The following COA5 variants were observed in gnomAD, a reference collection of about 807,000 sequenced individuals.
COA5 encodes the protein cytochrome c oxidase assembly factor 5.
A neutral mutation model predicts 11.8 loss-of-function variants in COA5; 11 were observed. The observed-to-expected ratio is 0.93, with a 90% CI of 0.59 to 1.54. COA5 has a LOEUF of 1.54. Among genes scored for constraint, COA5 ranks in the 40% most tolerant of loss-of-function variants. The probability of loss-of-function intolerance (pLI) is 0.00; values close to 1 mark genes in which losing one functional copy is unlikely to be tolerated. For synonymous variants in COA5, 38 were observed against 37.5 expected, an observed-to-expected ratio of 1.01 and a Z score of -0.05; for missense variants, 87 against 89.2, an observed-to-expected ratio of 0.97 and a Z score of 0.10.
Position 98,604,445 on chromosome 2 carries a change from A to C in COA5, c.100-254T>G. On this transcript the variant is annotated intron_variant, in intron 1 of 2. Transcript: ENST00000328709. ...TGGTTTCTATTGGATACTTTTCCTT[A>C]AACTGTTTATATAAAAATCTAGAAA... is the stretch of plus-strand genomic sequence containing the variant. 1.1e-5 allele frequency: 5 copies of C among 446,362 alleles called. No homozygotes were observed. In the South Asian group the frequency reaches 1.3e-4, roughly 11 times the overall value. The allele number at this position is 446,362 out of a possible 1,614,324, so 27.7% of individuals were successfully genotyped here.
At position 98,608,417 on chromosome 2, in the gene COA5, C is replaced by A. The variant is rs775774648; in HGVS notation, c.-12G>T. ...TAATACTTAGGCATGACGGCGCTTC[C>A]CCTCCGATGCGGACGCGACTTTCTC... On this transcript the variant is annotated 5_prime_UTR_variant, in exon 1 of 3. Coordinates refer to ENST00000328709, the MANE Select transcript of COA5 (RefSeq NM_001008215.3). 6 of 1,578,320 alleles carry A rather than the reference C, an allele frequency of 3.8e-6. No individual in the cohort carries two copies. Among genetic ancestry groups the A allele is most frequent in the Non-Finnish European group, 5.2e-6 (6 of 1,162,394 alleles).
intron 2 of COA5, among the ~76,000 whole-genome samples, chr2:98,602,117 A>G (rs1255562893): frequency 1.3e-5 from 2 of 152,224 alleles, no homozygotes; most frequent in Admixed American, 1.3e-4. Context: ...AAAAAATTTT[A>G]AAACACAGGA....
chr2:98,605,578 T>C (rs1700696595), intron 1 of COA5, among the ~76,000 whole-genome samples: 2 of 152,230 alleles, frequency 1.3e-5, no homozygotes, highest in Admixed American at 6.5e-5. Flanking sequence ...TCTGGGTCTC[T>C]GTAACATGCA....
chr2:98,603,276 C>A (rs749485636), intron 2 of COA5, among the ~76,000 whole-genome samples: 2 of 152,078 alleles, frequency 1.3e-5, no homozygotes, highest in Non-Finnish European at 2.9e-5. Flanking sequence ...GTCAGGAGTT[C>A]AAGACCAGCC....
Position 98,600,449 on chromosome 2 carries a change from A to G in COA5, c.*303T>C. On this transcript the variant is annotated 3_prime_UTR_variant, in exon 3 of 3. Transcript: ENST00000328709. ...ATTGGGTAATTCAATTGAAGAGTCAAGTTTGCAAATAACAGTCTTTCCATT... is the reference window on the plus strand; with the variant it reads ...ATTGGGTAATTCAATTGAAGAGTCAGGTTTGCAAATAACAGTCTTTCCATT... 2 of 421,960 alleles carry G rather than the reference A, an allele frequency of 4.7e-6. No individual in the cohort carries two copies. The highest frequency in any genetic ancestry group is 2.4e-5 in the South Asian group (1 of 41,424). 26.1% of individuals were successfully genotyped at this position (421,960 alleles called of 1,614,324 possible). A position where few individuals can be genotyped will look rare whatever the true frequency, so the allele number is the denominator to read the frequency against.
intron 1 of COA5, among the ~76,000 whole-genome samples, chr2:98,605,366 C>A (rs1292829980): frequency 6.6e-6 from 1 of 152,124 alleles, no homozygotes; most frequent in Non-Finnish European, 1.5e-5. Flanking sequence ...GGTTGCCGGG[C>A]CTGATGATGT....
At chr2:98,602,731 G>C (rs1287952386) in intron 2 of COA5, 2 of 153,540 alleles carry the variant, frequency 1.3e-5, no homozygotes, top group Non-Finnish European at 2.9e-5. Context: ...CTGATATTTA[G>C]AAATGGTAAG....
chr2:98,603,153 A>G (rs1332054089), intron 2 of COA5, among the ~76,000 whole-genome samples: 2 of 152,182 alleles, frequency 1.3e-5, no homozygotes, highest in African/African-American at 4.8e-5. Context: ...ACAAAAAGGA[A>G]GGGATTTGCA....
intron 2 of COA5, among the ~76,000 whole-genome samples, chr2:98,601,981 A>G (rs1575223997): frequency 6.6e-6 from 1 of 152,324 alleles, no homozygotes. Context: ...AAAATGTTGC[A>G]GACCACTATT....
chr2:98,603,479 C>CAA, intron 2 of COA5, among the ~76,000 whole-genome samples: 1 of 151,262 alleles, frequency 6.6e-6, no homozygotes, highest in Non-Finnish European at 1.5e-5. Flanking sequence ...GACTCCGTCT[C>CAA]AAACAAAAAA....
At chr2:98,601,949 A>G (rs1357963810) in intron 2 of COA5, among the ~76,000 whole-genome samples, 1 of 152,186 alleles carries the variant, frequency 6.6e-6, no homozygotes, top group African/African-American at 2.4e-5. Flanking sequence ...GTCTTCTTCC[A>G]TGGAATTGGT....
At position 98,604,344 on chromosome 2, in the gene COA5, T is replaced by TG. The variant is rs1387010211; in HGVS notation, c.100-154dup. On this transcript the variant is annotated intron_variant, in intron 1 of 2. Coordinates refer to ENST00000328709, the MANE Select transcript of COA5 (RefSeq NM_001008215.3). Reference sequence around the variant, plus strand: ...ATAGTTCTTAATTCATTTGGGCTATTGGTGCCTAAAGAATGAAAAAAAAAT... The same window carrying TG: ...ATAGTTCTTAATTCATTTGGGCTATTGGGTGCCTAAAGAATGAAAAAAAAAT... 27 of 657,406 alleles carry TG rather than the reference T, an allele frequency of 4.1e-5. No homozygotes were observed. The Admixed American group carries it at 6.5e-4, about 16-fold the overall frequency. The allele number at this position is 657,406 out of a possible 1,614,324, so 40.7% of individuals were successfully genotyped here. A position where few individuals can be genotyped will look rare whatever the true frequency, so the allele number is the denominator to read the frequency against.
Position 98,600,711 on chromosome 2 carries a change from A to C in COA5, c.*41T>G. On this transcript the variant is annotated 3_prime_UTR_variant, in exon 3 of 3. Coordinates refer to ENST00000328709, the MANE Select transcript of COA5 (RefSeq NM_001008215.3). ...GGCTTCTTTGTGTTAATGACCAGGG[A>C]AAATATTTGTTGTTTTCCATGTTGG... 1 of 1,582,344 alleles carries C rather than the reference A, an allele frequency of 6.3e-7. No homozygotes were observed. Among genetic ancestry groups the C allele is most frequent in the Non-Finnish European group, 8.7e-7 (1 of 1,155,094 alleles).
chr2:98,608,030 T>C (rs984563307), intron 1 of COA5, among the ~76,000 whole-genome samples: 6 of 152,260 alleles, frequency 3.9e-5, no homozygotes, highest in Non-Finnish European at 5.9e-5. Context: ...CAAAGCCTAG[T>C]AGAGTGCTAG....
intron 1 of COA5, among the ~76,000 whole-genome samples, chr2:98,607,047 C>T (rs1410095737): frequency 1.3e-5 from 2 of 152,220 alleles, no homozygotes; most frequent in African/African-American, 2.4e-5. Flanking sequence ...CAAAATCAGA[C>T]GCTCTCCCTT....
rs1343280883 is a variant in COA5, at chr2:98,608,491, CA to C, written c.-87del. 1 of 1,077,304 alleles carries C rather than the reference CA, an allele frequency of 9.3e-7. No individual in the cohort carries two copies. The highest frequency in any genetic ancestry group is 1.4e-6 in the Non-Finnish European group (1 of 726,236). The allele number at this position is 1,077,304 out of a possible 1,614,324, so 66.7% of individuals were successfully genotyped here. On this transcript the variant is annotated 5_prime_UTR_variant, in exon 1 of 3. Transcript: ENST00000328709. ...TCGGGAGCGAGCGAGGCCCCAGTCT[CA>C]GGGGACCGGAAGCCAGCGGCAACAA...
chr2:98,605,538 A>C (rs1028510543), intron 1 of COA5, among the ~76,000 whole-genome samples: 1 of 152,234 alleles, frequency 6.6e-6, no homozygotes, highest in Non-Finnish European at 1.5e-5. Context: ...CAAAAGAGAA[A>C]GTTCTCTATC....
rs1700627856 is a variant in COA5 at position 98,600,576 on chromosome 2, C to A, written c.*176G>T. The stretch of plus-strand genomic sequence containing the variant: ...TAAAAATAACTTGGATCAAGAGAAT[C>A]ATTTACTTTATACATATTCGAAAAC... On this transcript the variant is annotated 3_prime_UTR_variant, in exon 3 of 3. Transcript: ENST00000328709. 1.6e-6 allele frequency: 1 copy of A among 625,736 alleles called. No homozygotes were observed. Among genetic ancestry groups the A allele is most frequent in the Non-Finnish European group, 2.9e-6 (1 of 349,344 alleles). The allele number at this position is 625,736 out of a possible 1,614,324, so 38.8% of individuals were successfully genotyped here.
Position 98,608,206 on chromosome 2 carries a change from G to A in COA5, c.99+101C>T, listed in dbSNP as rs1187841484. 9 of 835,552 alleles carry A rather than the reference G, an allele frequency of 1.1e-5. No individual in the cohort carries two copies. In the Admixed American group the frequency reaches 1.8e-4, roughly 17 times the overall value. The allele number at this position is 835,552 out of a possible 1,614,324, so 51.8% of individuals were successfully genotyped here. A position where few individuals can be genotyped will look rare whatever the true frequency, so the allele number is the denominator to read the frequency against. ...CCGAGCTGTGACCTACGCCCGGGATGGTTAACTCCAACCGCCGCCGCGGGC... is the reference window on the plus strand; with the variant it reads ...CCGAGCTGTGACCTACGCCCGGGATAGTTAACTCCAACCGCCGCCGCGGGC... On this transcript the variant is annotated intron_variant, in intron 1 of 2. Coordinates refer to ENST00000328709, the MANE Select transcript of COA5 (RefSeq NM_001008215.3).
Sources: allele counts gnomAD v4.1 joint callset (sites outside exome capture counted in the v4.1 genomes callset), GRCh38; gene constraint gnomAD v4.1.1; transcripts MANE v1.5; gene names NCBI Gene and HGNC (gene_info 2026-07-23, HGNC 2026-07-21).